Variants in PBX1 observed in about 807,000 individuals in gnomAD.
PBX1 encodes the protein PBX homeobox 1.
In PBX1, 6 loss-of-function variants were observed where a neutral mutation model predicts 53.4. The observed-to-expected ratio is 0.11, with a 90% CI of 0.06 to 0.22. The LOEUF is 0.22. PBX1 is among the 10% of genes least tolerant of loss of function. The pLI, the probability that PBX1 is intolerant of heterozygous loss-of-function variation, is 1.00. For missense variants in PBX1, 251 were observed against 551.4 expected (o/e 0.46, Z 5.46); for synonymous variants, 204 against 212.3 (o/e 0.96, Z 0.34).
chr1:164,828,440 T>C (rs553546784), intron 8 of PBX1: 2 of 152,358 alleles, frequency 1.3e-5, no homozygotes, highest in African/African-American at 4.8e-5. Flanking sequence ...AATTATTGTT[T>C]TTCCATTCCC....
intron 2 of PBX1, among the ~76,000 whole-genome samples, chr1:164,577,803 G>A (rs1210165511): frequency 6.6e-6 from 1 of 152,140 alleles, no homozygotes; most frequent in African/African-American, 2.4e-5. Context: ...CCTAGTCTCT[G>A]ATCCACCAGC....
chr1:164,731,252 C>T (rs964543703), intron 2 of PBX1, among the ~76,000 whole-genome samples: 5 of 151,638 alleles, frequency 3.3e-5, no homozygotes, highest in Admixed American at 1.3e-4. Context: ...TTCCTACCCT[C>T]TGCTTCCCTA....
rs139881410 is a variant in PBX1, at chr1:164,807,629, G to A, written c.789G>A (p.Glu263=). ...ATCTCAGCAACCCTTACCCCAGTGA[G>A]GAAGCCAAAGAGGAGTTAGCCAAGA... ...YSHLSNPYPS[E]EAKEELAKKC... Residue 263 remains glutamate (E), a synonymous_variant, in exon 5 of 9, where the codon GAG becomes GAA. Transcript: ENST00000420696. The A allele has an allele frequency of 3.7e-6, 6 of 1,613,980 alleles. No individual in the cohort carries two copies. Among genetic ancestry groups the A allele is most frequent in the East Asian group, 2.2e-5 (1 of 44,886 alleles).
intron 2 of PBX1, among the ~76,000 whole-genome samples, chr1:164,743,138 A>G (rs545694734): frequency 1.3e-5 from 2 of 152,152 alleles, no homozygotes; most frequent in African/African-American, 4.8e-5. Context: ...TATTTTAGCT[A>G]TTGTATTCCT....
intron 2 of PBX1, among the ~76,000 whole-genome samples, chr1:164,732,797 C>T (rs1236402731): frequency 6.6e-6 from 1 of 152,100 alleles, no homozygotes; most frequent in Non-Finnish European, 1.5e-5. Flanking sequence ...CCTAGAGAAC[C>T]TACAGAAATT....
intron 2 of PBX1, among the ~76,000 whole-genome samples, chr1:164,741,459 C>A (rs973753807): frequency 1.3e-5 from 2 of 152,160 alleles, no homozygotes; most frequent in Non-Finnish European, 2.9e-5. Flanking sequence ...TCCAAGAGAG[C>A]AAGAACAATG....
At chr1:164,787,894 T>A (rs1179418062) in intron 2 of PBX1, 2 of 152,420 alleles carry the variant, frequency 1.3e-5, no homozygotes, top group Non-Finnish European at 2.9e-5. Context: ...ACCAAATGGG[T>A]TAAATATCTT....
intron 2 of PBX1, among the ~76,000 whole-genome samples, chr1:164,731,918 G>A (rs1665010509): frequency 6.6e-6 from 1 of 152,116 alleles, no homozygotes; most frequent in South Asian, 2.1e-4. Flanking sequence ...ATCACCAGTG[G>A]GATGGGAGTT....
intron 6 of PBX1, chr1:164,813,377 AGCACT>A (rs1179277182): frequency 6.6e-6 from 1 of 152,250 alleles, no homozygotes; most frequent in East Asian, 1.9e-4. Context: ...TAATTTTCCC[AGCACT>A]GCAGGTTAGA....
chr1:164,646,008 AGT>A (rs1174819831), intron 2 of PBX1, among the ~76,000 whole-genome samples: 1 of 152,172 alleles, frequency 6.6e-6, no homozygotes, highest in East Asian at 1.9e-4. Context: ...CTCATCTATA[AGT>A]GGGGATTATG....
chr1:164,708,689 T>C (rs527297593), intron 2 of PBX1, among the ~76,000 whole-genome samples: 16 of 152,334 alleles, frequency 1.1e-4, no homozygotes, highest in African/African-American at 3.6e-4. Flanking sequence ...CTTAGGATAA[T>C]GGCCTCCGGC....
At chr1:164,837,103 T>C (rs1275379719) in intron 8 of PBX1, among the ~76,000 whole-genome samples, 2 of 152,126 alleles carry the variant, frequency 1.3e-5, no homozygotes, top group African/African-American at 2.4e-5. Flanking sequence ...TGTGTGATGG[T>C]AAATAGCCTC....
intron 2 of PBX1, among the ~76,000 whole-genome samples, chr1:164,690,131 C>T (rs1662375920): frequency 6.6e-6 from 1 of 152,326 alleles, no homozygotes; most frequent in African/African-American, 2.4e-5. Context: ...TGCATCCTGA[C>T]CGGCTCCTCC....
chr1:164,783,899 T>C (rs1295133100), intron 2 of PBX1, among the ~76,000 whole-genome samples: 1 of 152,194 alleles, frequency 6.6e-6, no homozygotes, highest in Non-Finnish European at 1.5e-5. Context: ...GCAGAACATT[T>C]TTACCTCAAG....
At chr1:164,726,572 G>C (rs532175580) in intron 2 of PBX1, among the ~76,000 whole-genome samples, 2 of 152,298 alleles carry the variant, frequency 1.3e-5, no homozygotes, top group South Asian at 4.1e-4. Context: ...TTATAAAATT[G>C]TAAGCATAGC....
At chr1:164,827,840 T>C (rs770137416) in intron 8 of PBX1, among the ~76,000 whole-genome samples, 144 of 152,234 alleles carry the variant, frequency 9.5e-4, no homozygotes, top group Non-Finnish European at 1.5e-3. Flanking sequence ...ATTCATTCAA[T>C]AAACATAAGC....
In PBX1 at chr1:164,870,345, CT is replaced by C. The variant is rs1267526401; in HGVS notation, n.258-28840del. 9.9e-3 allele frequency among the ~76,000 whole-genome samples: 985 copies of C among 99,748 alleles called. 101 individuals are homozygous for C. Among genetic ancestry groups the C allele is most frequent in the East Asian group, 0.015 (52 of 3,368 alleles). The allele number at this position is 99,748 out of a possible 152,430, so 65.4% of individuals were successfully genotyped here. On this transcript the variant is annotated intron_variant and non_coding_transcript_variant, in intron 2 of 2. Transcript: ENST00000558796. ...TCTTTCTTTCTTTCTTTCTTTCTTT[CT>C]TTCTTTCTTTCTTTCGAGATGAAGT...
intron 2 of PBX1, among the ~76,000 whole-genome samples, chr1:164,591,613 G>C (rs551724131): frequency 4.6e-5 from 7 of 152,336 alleles, no homozygotes; most frequent in African/African-American, 1.7e-4. Flanking sequence ...AAGTATGTCT[G>C]TCATGGCGCT....
intron 2 of PBX1, among the ~76,000 whole-genome samples, chr1:164,678,173 A>G (rs572039112): frequency 5.9e-5 from 9 of 152,294 alleles, no homozygotes; most frequent in African/African-American, 1.9e-4. Context: ...GCATGTATCC[A>G]TATGTTTATA....
Sources: gnomAD v4.1 joint callset for allele counts (sites outside exome capture counted in the v4.1 genomes callset) on GRCh38, gnomAD v4.1.1 for gene constraint, MANE v1.5 for transcripts, NCBI Gene and HGNC (gene_info 2026-07-23, HGNC 2026-07-21) for gene names.